The following RTKN2 variants were observed in gnomAD, a reference collection of about 807,000 sequenced individuals.
The protein encoded by RTKN2 is rhotekin-2.
Under a neutral mutation model 71.5 loss-of-function variants are expected in RTKN2, and 69 were observed. The ratio of observed to expected loss-of-function variants is 0.96; its 90% CI spans 0.79 to 1.18. The LOEUF (loss-of-function observed/expected upper bound fraction) is 1.18. Among genes scored for constraint, RTKN2 ranks in the 50% most tolerant of loss-of-function variants. The pLI, the probability that RTKN2 is intolerant of heterozygous loss-of-function variation, is 0.00. For missense variants in RTKN2, 724 were observed against 719.7 expected, an observed-to-expected ratio of 1.01 and a Z score of -0.07; for synonymous variants, 236 against 236.5, an observed-to-expected ratio of 1.00 and a Z score of 0.02.
chr10:62,186,867 T>C (rs977369741), intron 8 of RTKN2, among the ~76,000 whole-genome samples: 1 of 152,116 alleles, frequency 6.6e-6, no homozygotes, highest in Admixed American at 6.5e-5. Context: ...TAGCAATAAG[T>C]TGGTTGAGTA....
intron 7 of RTKN2, among the ~76,000 whole-genome samples, chr10:62,222,528 A>C (rs1309409275): frequency 2.0e-5 from 3 of 152,220 alleles, no homozygotes; most frequent in Non-Finnish European, 1.5e-5. Flanking sequence ...TTATCAGTAC[A>C]GAGCCACAAT....
intron 2 of RTKN2, among the ~76,000 whole-genome samples, chr10:62,248,283 C>G (rs1198303459): frequency 3.9e-5 from 6 of 152,060 alleles, no homozygotes; most frequent in African/African-American, 1.4e-4. Flanking sequence ...AATTCAGCCT[C>G]AATTTTCTGA....
At chr10:62,216,949 C>A (rs1841782099) in intron 9 of RTKN2, among the ~76,000 whole-genome samples, 169 bp downstream of exon 9, 1 of 151,994 alleles carries the variant, frequency 6.6e-6, no homozygotes, top group Non-Finnish European at 1.5e-5. Flanking sequence ...TTTCTTATAA[C>A]AGATAAGCTC....
At chr10:62,241,403 T>A (rs1405179225) in intron 3 of RTKN2, among the ~76,000 whole-genome samples, 1 of 152,148 alleles carries the variant, frequency 6.6e-6, no homozygotes, top group Non-Finnish European at 1.5e-5. Context: ...AAAAATATAT[T>A]CTTCTTATAA....
intron 5 of RTKN2, among the ~76,000 whole-genome samples, chr10:62,236,995 A>G (rs1842272538): frequency 6.6e-6 from 1 of 151,948 alleles, no homozygotes; most frequent in Non-Finnish European, 1.5e-5. Context: ...GGGGAGATAT[A>G]GGTCAAAGGA....
At chr10:62,265,384 G>GTT (rs1276011944) in intron 1 of RTKN2, among the ~76,000 whole-genome samples, 8 of 152,128 alleles carry the variant, frequency 5.3e-5, no homozygotes, top group Non-Finnish European at 1.0e-4. Flanking sequence ...AATACTTACT[G>GTT]TTTGCCCCTT....
At chr10:62,238,864 T>C (rs1257389619) in intron 5 of RTKN2, 1 of 152,032 alleles carries the variant, frequency 6.6e-6, no homozygotes, top group Non-Finnish European at 1.5e-5. Context: ...ACCATGCACA[T>C]GGATTTTTAT....
intron 9 of RTKN2, among the ~76,000 whole-genome samples, chr10:62,216,661 C>T (rs1475180838): frequency 6.6e-6 from 1 of 152,036 alleles, no homozygotes; most frequent in East Asian, 1.9e-4. Context: ...TCTAAATGGA[C>T]TGTCAGGCTT....
At position 62,218,272 on chromosome 10, in the gene RTKN2, C is replaced by T. The variant is rs779478988; in HGVS notation, c.811G>A (p.Gly271Ser). The change falls in exon 8 of 12, where the codon GGC becomes AGC. Residue 271 changes from glycine (G) to serine (S), a missense_variant. Coordinates refer to ENST00000373789, the MANE Select transcript of RTKN2 (RefSeq NM_145307.4). ...GCAACTAGTCGGCAGCACATGTTGC[C>T]ATACAGGGGAAGCCAAAATGAAGAC... ...EESSFWLPLY[G>S]NMCCRLVAQP... The T allele has an allele frequency of 6.2e-6, 10 of 1,611,790 alleles. No individual in the cohort carries two copies. Among genetic ancestry groups the T allele is most frequent in the South Asian group, 1.1e-5 (1 of 90,856 alleles).
intron 2 of RTKN2, among the ~76,000 whole-genome samples, chr10:62,253,679 T>C (rs915306064): frequency 1.3e-5 from 2 of 152,126 alleles, no homozygotes; most frequent in African/African-American, 4.8e-5. Context: ...CTTTTGGTAA[T>C]GGCAGAGTAG....
chr10:62,259,848 G>A (rs560773771), intron 2 of RTKN2, among the ~76,000 whole-genome samples: 3 of 152,066 alleles, frequency 2.0e-5, no homozygotes, highest in Non-Finnish European at 2.9e-5. Context: ...CACTTCACCC[G>A]GCCTCTTTTG....
chr10:62,207,544 A>G (rs1248716480), intron 9 of RTKN2, among the ~76,000 whole-genome samples: 1 of 152,112 alleles, frequency 6.6e-6, no homozygotes, highest in African/African-American at 2.4e-5. Flanking sequence ...AATAGTTCTC[A>G]CGTCTTCAAT....
downstream of RTKN2, among the ~76,000 whole-genome samples, chr10:62,192,015 A>G (rs1385871892): frequency 1.3e-5 from 2 of 151,948 alleles, no homozygotes; most frequent in South Asian, 2.1e-4. Flanking sequence ...TACATGCATT[A>G]CCTTATTTAA....
intron 2 of RTKN2, among the ~76,000 whole-genome samples, chr10:62,258,261 T>C (rs1842709938): frequency 6.6e-6 from 1 of 152,182 alleles, no homozygotes; most frequent in Non-Finnish European, 1.5e-5. Flanking sequence ...CTTAGGACAT[T>C]AGGACTTAAT....
intron 7 of RTKN2, among the ~76,000 whole-genome samples, chr10:62,222,164 A>T (rs2132915732): frequency 6.6e-6 from 1 of 152,288 alleles, no homozygotes; most frequent in African/African-American, 2.4e-5. Context: ...GCTGGCGAAC[A>T]ATGGTACAAT....
intron 8 of RTKN2, 114 bp downstream of exon 8, chr10:62,218,081 A>G (rs1451344497): frequency 7.4e-6 from 5 of 673,530 alleles, no homozygotes; most frequent in Non-Finnish European, 1.2e-5. Context: ...GAAAACTGAC[A>G]TTTAAAAAAA....
chr10:62,233,258 T>C (rs566616720), intron 6 of RTKN2, among the ~76,000 whole-genome samples: 1 of 152,304 alleles, frequency 6.6e-6, no homozygotes, highest in South Asian at 2.1e-4. Context: ...TTGAACTGGG[T>C]AATTATCTCT....
At position 62,197,035 on chromosome 10, in the gene RTKN2, C is replaced by T; in HGVS notation, c.*873G>A. 2.0e-6 allele frequency: 2 copies of T among 975,748 alleles called. No individual in the cohort carries two copies. The highest frequency in any genetic ancestry group is 2.4e-6 in the Non-Finnish European group (2 of 821,250). The allele number at this position is 975,748 out of a possible 1,614,324, so 60.4% of individuals were successfully genotyped here. A position where few individuals can be genotyped will look rare whatever the true frequency, so the allele number is the denominator to read the frequency against. ...CTAATTAAAATTTTAAAAAAGAATT[C>T]TGAAAATTATTTACCATGGCCAACT... On this transcript the variant is annotated 3_prime_UTR_variant, in exon 12 of 12. Coordinates refer to ENST00000373789, the MANE Select transcript of RTKN2 (RefSeq NM_145307.4).
intron 10 of RTKN2, among the ~76,000 whole-genome samples, chr10:62,203,236 G>A (rs112108990): frequency 9.9e-5 from 15 of 151,980 alleles, no homozygotes; most frequent in African/African-American, 2.2e-4. Flanking sequence ...TTTATAAGAC[G>A]GATTCTCTAA....
Sources: allele counts gnomAD v4.1 joint callset (sites outside exome capture counted in the v4.1 genomes callset), GRCh38; gene constraint gnomAD v4.1.1; transcripts MANE v1.5; gene names NCBI Gene and HGNC (gene_info 2026-07-23, HGNC 2026-07-21).